Variants in ZNF717 observed in about 807,000 individuals in gnomAD.
ZNF717 encodes krueppel-like factor X17.
In ZNF717, 9 loss-of-function variants were observed where a neutral mutation model predicts 13.8. The ratio of observed to expected loss-of-function variants is 0.65; its 90% CI spans 0.39 to 1.14. The LOEUF (loss-of-function observed/expected upper bound fraction) is 1.14, where lower values mean the gene tolerates loss of function less well. Among genes scored for constraint, ZNF717 ranks in the 50% most tolerant of loss-of-function variants. The probability of loss-of-function intolerance (pLI) is 0.01; values close to 1 mark genes in which losing one functional copy is unlikely to be tolerated. For missense variants in ZNF717, 1,040 were observed against 1,080.7 expected (o/e 0.96, Z 0.53); for synonymous variants, 327 against 364.1 (o/e 0.90, Z 1.16).
intron 2 of ZNF717, among the ~76,000 whole-genome samples, chr3:75,777,802 C>T (rs1449171493): frequency 1.3e-5 from 2 of 150,644 alleles, no homozygotes; most frequent in South Asian, 2.1e-4. Context: ...AAACCGGAAC[C>T]CAAAACAATG....
rs201963249 is a variant in ZNF717 at position 75,737,534 on chromosome 3, T to G, written c.2089A>C (p.Thr697Pro). 2 of 1,553,158 alleles carry G rather than the reference T, an allele frequency of 1.3e-6. No individual in the cohort carries two copies. Among genetic ancestry groups the G allele is most frequent in the South Asian group, 2.4e-5 (2 of 84,134 alleles). Reference protein sequence around the residue: ...NHTLLYIRELTPGKSPMNVMN... With the variant: ...NHTLLYIRELPPGKSPMNVMN... ...ACATTCATAGGGCTTTTCCCCGGTGTGAGTTCTCTGATGTATAATAAGGTA... is the reference window on the plus strand; with the variant it reads ...ACATTCATAGGGCTTTTCCCCGGTGGGAGTTCTCTGATGTATAATAAGGTA... Residue 697 changes from threonine (T) to proline (P), a missense_variant, in exon 5 of 5, where the codon ACA becomes CCA. By Grantham distance (38) the Thr-to-Pro change is conservative. Coordinates refer to ENST00000652011, the MANE Select transcript of ZNF717 (RefSeq NM_001290208.3).
In ZNF717 at chr3:75,737,468, T is replaced by G. The variant is rs77250491; in HGVS notation, c.2155A>C (p.Arg719=). ...ENPFIRRQIF[R]SIKVFTRGRN... The stretch of plus-strand genomic sequence containing the variant: ...CCCCGTGTGAATACCTTGATGCTTC[T>G]GAAGATTTGCCTTCTGATGAAAGGA... The change falls in exon 5 of 5, where the codon AGA becomes CGA. Residue 719 remains arginine, a synonymous_variant. Coordinates refer to ENST00000652011, the MANE Select transcript of ZNF717 (RefSeq NM_001290208.3). The G allele has an allele frequency of 1.9e-6, 3 of 1,555,308 alleles. No individual in the cohort carries two copies. In the African/African-American group the frequency reaches 4.1e-5, roughly 21 times the overall value.
At chr3:75,706,223 G>T (rs1937800393), downstream of ZNF717, among the ~76,000 whole-genome samples, 1 of 152,414 alleles carries the variant, frequency 6.6e-6, no homozygotes, top group African/African-American at 2.4e-5. Context: ...TTATTAAAAC[G>T]GTGGATAATT....
At chr3:75,702,521 A>T (rs1445426460) in intron 6 of ZNF717, among the ~76,000 whole-genome samples, 2 of 152,428 alleles carry the variant, frequency 1.3e-5, no homozygotes, top group African/African-American at 4.8e-5. Flanking sequence ...AATGGGTTAA[A>T]ACAATTGTTA....
chr3:75,766,409 A>G (rs6799251), intron 2 of ZNF717, among the ~76,000 whole-genome samples: 39,812 of 147,116 alleles, frequency 0.27, 5,709 homozygotes, highest in African/African-American at 0.39. Context: ...AGAGGCTTCA[A>G]AACAAAATAT....
At chr3:75,715,073 T>C (rs1938019785) in intron 5 of ZNF717, among the ~76,000 whole-genome samples, 1 of 152,208 alleles carries the variant, frequency 6.6e-6, no homozygotes, top group Admixed American at 6.5e-5. Context: ...ATGTAAAACA[T>C]GGCTAAAATT....
intron 2 of ZNF717, among the ~76,000 whole-genome samples, chr3:75,767,204 C>T (rs1304607065): frequency 6.6e-6 from 1 of 152,242 alleles, no homozygotes; most frequent in Non-Finnish European, 1.5e-5. Context: ...CGACTAGCTA[C>T]ACTCATTGAC....
intron 2 of ZNF717, among the ~76,000 whole-genome samples, chr3:75,777,628 C>CA (rs1235395957): frequency 4.6e-5 from 7 of 150,542 alleles, no homozygotes; most frequent in Non-Finnish European, 7.4e-5. Flanking sequence ...AACCGGAACC[C>CA]AAAAAAATGG....
intron 2 of ZNF717, among the ~76,000 whole-genome samples, chr3:75,763,931 TGAA>T (rs1943232146): frequency 6.6e-6 from 1 of 152,222 alleles, no homozygotes. Flanking sequence ...GCCTAGTGCC[TGAA>T]GAAGTCAGTA....
chr3:75,698,982 C>T (rs1937635355), intron 6 of ZNF717, among the ~76,000 whole-genome samples: 1 of 152,308 alleles, frequency 6.6e-6, no homozygotes. Context: ...AGAACCTTCC[C>T]AAGGCATTAG....
intron 2 of ZNF717, among the ~76,000 whole-genome samples, chr3:75,780,683 A>C (rs567172451): frequency 6.6e-6 from 1 of 152,262 alleles, no homozygotes. Context: ...TACAGGTGTG[A>C]GCCACCACGC....
At chr3:75,722,341 A>G (rs75385292) in intron 4 of ZNF717, among the ~76,000 whole-genome samples, 7 of 152,206 alleles carry the variant, frequency 4.6e-5, no homozygotes, top group African/African-American at 1.4e-4. Context: ...CAAGTCCCCA[A>G]ATAGTTTGAA....
chr3:75,738,991 C>A lies in ZNF717; in HGVS notation c.632G>T (p.Cys211Phe), dbSNP rs1281231892. 2 of 1,551,584 alleles carry A rather than the reference C, an allele frequency of 1.3e-6. No individual in the cohort carries two copies. The highest frequency in any genetic ancestry group is 1.7e-6 in the Non-Finnish European group (2 of 1,146,950). Reference protein sequence around the residue: ...KIQTLLQTFQCNEQGKTFNTE... With the variant: ...KIQTLLQTFQFNEQGKTFNTE... ...GTTGAAGGTTTTCCCTTGTTCATTA[C>A]ATTGAAAAGTCTGCAGCAGAGTTTG... Residue 211 changes from cysteine (C) to phenylalanine (F), a missense_variant, in exon 5 of 5, where the codon TGT becomes TTT. Cys to Phe is a radical substitution (Grantham distance 205, BLOSUM62 -2). This residue lies in a region of ZNF717 where 873 missense variants were observed against 832.8 expected (regional missense o/e 1.05). Transcript: ENST00000652011.
chr3:75,778,903 G>C (rs1237394844), intron 2 of ZNF717, among the ~76,000 whole-genome samples: 4 of 151,578 alleles, frequency 2.6e-5, no homozygotes, highest in Non-Finnish European at 5.9e-5. Context: ...AACAATGGGA[G>C]TGCTGTGCTA....
chr3:75,753,200 T>G (rs75146321), intron 2 of ZNF717, among the ~76,000 whole-genome samples: 162 of 57,504 alleles, frequency 2.8e-3, no homozygotes, highest in Middle Eastern at 0.02. Context: ...CTGCTGCGAG[T>G]GTCTGAATGT....
chr3:75,726,910 G>A (rs1391956117), downstream of ZNF717, among the ~76,000 whole-genome samples: 1 of 152,136 alleles, frequency 6.6e-6, no homozygotes, highest in East Asian at 1.9e-4. Context: ...CCTTCCATAT[G>A]CAGTCATGTG....
At chr3:75,776,631 C>A (rs1037681675) in intron 2 of ZNF717, among the ~76,000 whole-genome samples, 4 of 152,182 alleles carry the variant, frequency 2.6e-5, no homozygotes, top group Admixed American at 2.0e-4. Flanking sequence ...AACTTTAAAA[C>A]CATAAACTTT....
chr3:75,706,674 A>G (rs531149902), downstream of ZNF717, among the ~76,000 whole-genome samples: 68 of 152,058 alleles, frequency 4.5e-4, no homozygotes, highest in South Asian at 1.7e-3. Flanking sequence ...AGAGCCCAGC[A>G]GACTCAAAAG....
intron 2 of ZNF717, among the ~76,000 whole-genome samples, chr3:75,762,076 A>G (rs539836749): frequency 6.9e-6 from 1 of 144,484 alleles, no homozygotes; most frequent in East Asian, 2.0e-4. Flanking sequence ...GAAAGGAAAG[A>G]AAGAGAGAGA....
Sources: gnomAD v4.1 joint callset for allele counts (sites outside exome capture counted in the v4.1 genomes callset) on GRCh38, gnomAD v4.1.1 for gene constraint, gnomAD v4.1.1 regional missense constraint, MANE v1.5 for transcripts, NCBI Gene and HGNC (gene_info 2026-07-23, HGNC 2026-07-21) for gene names.